The following PIEZO2 variants were observed in gnomAD, a reference collection of about 807,000 sequenced individuals.
The protein encoded by PIEZO2 is piezo type mechanosensitive ion channel component 2, also known as piezo-type mechanosensitive ion channel component 2.
Under a neutral mutation model 337.3 loss-of-function variants are expected in PIEZO2, and 172 were observed. The observed-to-expected ratio is 0.51, with a 90% confidence interval of 0.45 to 0.58. PIEZO2 has a LOEUF of 0.58. Among genes scored for constraint, PIEZO2 ranks in the 20% least tolerant of loss-of-function variants. PIEZO2 has a pLI of 0.00. For missense variants in PIEZO2, 3,028 were observed against 3,391.3 expected (o/e 0.89, Z 2.66); for synonymous variants, 1,251 against 1,228.5 (o/e 1.02, Z -0.38).
intron 2 of PIEZO2, among the ~76,000 whole-genome samples, chr18:11,020,657 T>G (rs1198067571): frequency 6.6e-6 from 1 of 152,188 alleles, no homozygotes; most frequent in East Asian, 1.9e-4. Flanking sequence ...ACTAGCCTTT[T>G]GCCAACCACT....
rs770627019 is a variant in PIEZO2, at chr18:10,671,354, CT to C, written c.*172del. ...TTACAAATAACATTTTCAACAGTGC[CT>C]TAACTTGCAAGGTAGCTTTTACTGC... On this transcript the variant is annotated 3_prime_UTR_variant, in exon 56 of 56. Coordinates refer to ENST00000674853, the MANE Select transcript of PIEZO2 (RefSeq NM_001378183.1). The C allele has an allele frequency of 9.4e-6, 6 of 635,832 alleles. No homozygotes were observed. The highest frequency in any genetic ancestry group is 1.3e-5 in the Non-Finnish European group (5 of 394,558). The allele number at this position is 635,832 out of a possible 1,614,324, so 39.4% of individuals were successfully genotyped here.
intron 39 of PIEZO2, chr18:10,709,302 G>A (rs1274625458): frequency 1.3e-5 from 2 of 152,256 alleles, no homozygotes; most frequent in Admixed American, 6.5e-5. Context: ...ATGCTGCTGG[G>A]TGAGGATGCT....
chr18:10,852,313 T>G (rs939286925), intron 7 of PIEZO2, among the ~76,000 whole-genome samples: 2 of 152,184 alleles, frequency 1.3e-5, no homozygotes, highest in Non-Finnish European at 2.9e-5. Flanking sequence ...CTGAGCCAAC[T>G]GGATTTAGAA....
chr18:11,035,468 G>A lies in PIEZO2; in HGVS notation c.160+30659C>T, dbSNP rs1345892422. 1.3e-5 allele frequency among the ~76,000 whole-genome samples: 2 copies of A among 152,160 alleles called. No individual in the cohort carries two copies. Among genetic ancestry groups the A allele is most frequent in the African/African-American group, 2.4e-5 (1 of 41,438 alleles). On this transcript the variant is annotated intron_variant, in intron 2 of 55. Transcript: ENST00000674853. This position sits in a 1 kb window ranked among gnomAD's most constrained non-coding sequence, Gnocchi z 4.3. The stretch of plus-strand genomic sequence containing the variant: ...GTGCTTGCACAGCCTGCAGGACCAT[G>A]AGTTAAATAAACCTGTTTCCTTTAC...
Position 11,102,649 on chromosome 18 carries a change from A to G in PIEZO2, c.65-36427T>C, listed in dbSNP as rs531384040. ...GTGTCTTTGGAGCACCCCACTTCCC[A>G]TTGGGCCCCCAGTGATCTGTCTCCA... On this transcript the variant is annotated intron_variant, in intron 1 of 55. Transcript: ENST00000674853. This position sits in a 1 kb window ranked among gnomAD's most constrained non-coding sequence, Gnocchi z 5.7. 9.3e-4 allele frequency among the ~76,000 whole-genome samples: 142 copies of G among 152,174 alleles called. No homozygotes were observed. The highest frequency in any genetic ancestry group is 3.4e-3 in the African/African-American group (140 of 41,538).
chr18:10,767,105 T>G lies in PIEZO2; in HGVS notation c.2946+3043A>C, dbSNP rs1005774999. Among the ~76,000 whole-genome samples the G allele has an allele frequency of 2.3e-4, 34 of 149,188 alleles. No individual in the cohort carries two copies. Among genetic ancestry groups the G allele is most frequent in the African/African-American group, 7.6e-4 (31 of 40,548 alleles). On this transcript the variant is annotated intron_variant, in intron 21 of 55. Coordinates refer to ENST00000674853, the MANE Select transcript of PIEZO2 (RefSeq NM_001378183.1). This position sits in a 1 kb window ranked among gnomAD's most constrained non-coding sequence, Gnocchi z 4.2. ...AGAAAGTGTGGCTCTTGCTCAAGAC[T>G]CACTGACCTCACAGAGCTGTCCAAT...
At chr18:10,700,990 G>A (rs1313927028) in intron 43 of PIEZO2, among the ~76,000 whole-genome samples, 46 of 152,178 alleles carry the variant, frequency 3.0e-4, no homozygotes, top group Non-Finnish European at 4.4e-5. Flanking sequence ...AGATGAAACC[G>A]AGTTTGAAAT....
intron 33 of PIEZO2, chr18:10,739,071 A>T (rs2037119069): frequency 6.6e-6 from 1 of 152,232 alleles, no homozygotes; most frequent in South Asian, 2.1e-4. Context: ...AGATCAAATT[A>T]AGGGCTTCCA....
rs1160684087 is a variant in PIEZO2, at chr18:10,953,161, T to C, written c.286+26374A>G. On this transcript the variant is annotated intron_variant, in intron 3 of 55. Transcript: ENST00000674853. This position sits in a 1 kb window ranked among gnomAD's most constrained non-coding sequence, Gnocchi z 5.2. ...ACAAGTCCTTAATCAGATATATAGT[T>C]TGTAAATACTTTATTCCAATTTGTG... Among the ~76,000 whole-genome samples the C allele has an allele frequency of 1.3e-5, 2 of 152,200 alleles. No homozygotes were observed. The highest frequency in any genetic ancestry group is 2.9e-5 in the Non-Finnish European group (2 of 68,040).
At chr18:11,058,730 G>A (rs2037822410) in intron 2 of PIEZO2, among the ~76,000 whole-genome samples, 1 of 152,094 alleles carries the variant, frequency 6.6e-6, no homozygotes, top group Admixed American at 6.6e-5. Flanking sequence ...AGAGAAAAAA[G>A]AATAAAAAGA....
chr18:11,023,654 C>T (rs933151509), intron 2 of PIEZO2, among the ~76,000 whole-genome samples: 4 of 152,246 alleles, frequency 2.6e-5, no homozygotes, highest in Non-Finnish European at 5.9e-5. Flanking sequence ...TGCCCACACT[C>T]CTCAGCCCTT....
intron 3 of PIEZO2, among the ~76,000 whole-genome samples, chr18:10,925,395 T>C (rs1443383915): frequency 1.3e-5 from 2 of 152,194 alleles, no homozygotes; most frequent in Admixed American, 1.3e-4. Flanking sequence ...ACTCAATTTA[T>C]TCCATAAATG....
At chr18:10,754,986 C>G (rs758739633) in intron 27 of PIEZO2, among the ~76,000 whole-genome samples, 3 of 152,148 alleles carry the variant, frequency 2.0e-5, no homozygotes, top group Admixed American at 6.5e-5. Flanking sequence ...AAGCTTGGAA[C>G]AGAGCCTGGC....
chr18:10,751,509 C>T (rs576403869), intron 28 of PIEZO2, among the ~76,000 whole-genome samples: 1 of 152,284 alleles, frequency 6.6e-6, no homozygotes, highest in African/African-American at 2.4e-5. Flanking sequence ...GAAAATTAAC[C>T]TTTCAATGGA....
rs185755817 is a variant in PIEZO2, at chr18:10,912,966, A to G, written c.287-1738T>C. 7.3e-4 allele frequency among the ~76,000 whole-genome samples: 107 copies of G among 146,680 alleles called. 1 individual carries two copies. In the East Asian group the frequency reaches 0.017, roughly 24 times the overall value. On this transcript the variant is annotated intron_variant, in intron 3 of 55. Transcript: ENST00000674853. The stretch of plus-strand genomic sequence containing the variant: ...CCAATATGTTTTGCTGAGTAGGAGT[A>G]AAAAAAAAAACACAGACTTTGAGCT...
At position 10,704,327 on chromosome 18, in the gene PIEZO2, A is replaced by T. The variant is rs1376802690; in HGVS notation, c.6258+67T>A. The T allele has an allele frequency of 1.1e-5, 17 of 1,506,082 alleles. No individual in the cohort carries two copies. In the Admixed American group the frequency reaches 1.4e-4, roughly 13 times the overall value. 93.3% of individuals were successfully genotyped at this position (1,506,082 alleles called of 1,614,324 possible). ...GCCCGTCTCAAGAGAGGGCACAGGG[A>T]CACAAGGTATGCTTCCCCTTGCATA... On this transcript the variant is annotated intron_variant, in intron 42 of 55. Coordinates refer to ENST00000674853, the MANE Select transcript of PIEZO2 (RefSeq NM_001378183.1).
chr18:10,882,093 T>C (rs746658916), intron 4 of PIEZO2, among the ~76,000 whole-genome samples: 4 of 152,176 alleles, frequency 2.6e-5, no homozygotes, highest in Non-Finnish European at 4.4e-5. Context: ...TTGAGGGCAA[T>C]ATTTAGGTAC....
At chr18:11,040,378 T>C (rs1364328693) in intron 2 of PIEZO2, among the ~76,000 whole-genome samples, 2 of 152,150 alleles carry the variant, frequency 1.3e-5, no homozygotes, top group Non-Finnish European at 2.9e-5. Context: ...ACTAAGAAAA[T>C]ATCCAATAAA....
chr18:10,755,983 A>G (rs1402946302), intron 27 of PIEZO2, among the ~76,000 whole-genome samples: 4 of 138,280 alleles, frequency 2.9e-5, no homozygotes, highest in African/African-American at 8.0e-5. Context: ...AGGAGGAAAG[A>G]TGGAGGATGA....
Sources: allele counts gnomAD v4.1 joint callset (sites outside exome capture counted in the v4.1 genomes callset), GRCh38; gene constraint gnomAD v4.1.1; non-coding constraint Gnocchi (gnomAD v3.1); transcripts MANE v1.5; gene names NCBI Gene and HGNC (gene_info 2026-07-23, HGNC 2026-07-21).